The following SCHIP1 variants were observed in gnomAD, a reference collection of about 807,000 sequenced individuals.
SCHIP1 encodes the protein schwannomin interacting protein 1, also known as schwannomin-interacting protein 1.
SCHIP1 carries 8 observed loss-of-function variants against 29.7 expected under a neutral mutation model. That is an observed-to-expected ratio of 0.27 (90% CI 0.16 to 0.49). The LOEUF (loss-of-function observed/expected upper bound fraction) is 0.49. Among genes scored for constraint, SCHIP1 ranks in the 20% least tolerant of loss-of-function variants. SCHIP1 has a pLI of 0.99. For missense variants in SCHIP1, 193 were observed against 294.6 expected (o/e 0.66, Z 2.52); for synonymous variants, 76 against 94.9 (o/e 0.80, Z 1.16).
chr3:159,680,669 A>C, the SCHIP1 span, among the ~76,000 whole-genome samples: 14 of 11,814 alleles, frequency 1.2e-3, 2 homozygotes, highest in Non-Finnish European at 2.6e-3. Context: ...TAAAATATAT[A>C]TTATATATAT....
the SCHIP1 span, among the ~76,000 whole-genome samples, chr3:159,674,128 G>A: frequency 6.6e-6 from 1 of 152,150 alleles, no homozygotes. Context: ...ACCAGGTAAT[G>A]GGCACGCTCC....
the SCHIP1 span, among the ~76,000 whole-genome samples, chr3:159,481,004 G>C: frequency 2.6e-5 from 4 of 152,258 alleles, no homozygotes; most frequent in East Asian, 7.7e-4. Flanking sequence ...GGGGTCACAA[G>C]GTGCTCAGTC....
At chr3:159,400,752 T>C in the SCHIP1 span, among the ~76,000 whole-genome samples, 1 of 152,186 alleles carries the variant, frequency 6.6e-6, no homozygotes, top group East Asian at 1.9e-4. Context: ...TGTGGCTTTA[T>C]TCTCCACTTC....
At chr3:159,701,693 T>A in the SCHIP1 span, among the ~76,000 whole-genome samples, 3 of 152,188 alleles carry the variant, frequency 2.0e-5, no homozygotes, top group African/African-American at 7.2e-5. Context: ...ATTTTCCTTG[T>A]AATTTGTCTT....
chr3:159,725,418 G>A, the SCHIP1 span, among the ~76,000 whole-genome samples: 2 of 151,960 alleles, frequency 1.3e-5, no homozygotes, highest in Admixed American at 1.3e-4. Flanking sequence ...ACAGGCACAT[G>A]CCACTGCACC....
At chr3:159,581,961 A>T in the SCHIP1 span, among the ~76,000 whole-genome samples, 1 of 152,166 alleles carries the variant, frequency 6.6e-6, no homozygotes, top group Admixed American at 6.5e-5. Context: ...TTTTCCCTAT[A>T]CGAAATCTTC....
chr3:159,492,544 T>A, the SCHIP1 span, among the ~76,000 whole-genome samples: 5 of 151,706 alleles, frequency 3.3e-5, no homozygotes, highest in South Asian at 1.0e-3. Context: ...GAAGGGAAGT[T>A]TAGAGAAAAA....
the SCHIP1 span, among the ~76,000 whole-genome samples, chr3:159,276,335 G>A: frequency 6.6e-6 from 1 of 152,130 alleles, no homozygotes; most frequent in Admixed American, 6.5e-5. Context: ...GATCCTTGGG[G>A]TTATTTCAGT....
At chr3:159,404,347 C>T in the SCHIP1 span, among the ~76,000 whole-genome samples, 2 of 152,110 alleles carry the variant, frequency 1.3e-5, no homozygotes, top group African/African-American at 4.8e-5. Flanking sequence ...TGTCTGATTT[C>T]AGGTCGTTGC....
the SCHIP1 span, among the ~76,000 whole-genome samples, chr3:159,580,642 T>C: frequency 6.6e-6 from 1 of 152,214 alleles, no homozygotes; most frequent in Non-Finnish European, 1.5e-5. Flanking sequence ...CCTGCTTTCA[T>C]GAAAATTCAG....
chr3:159,682,351 A>C, the SCHIP1 span, among the ~76,000 whole-genome samples: 2 of 152,152 alleles, frequency 1.3e-5, no homozygotes, highest in Non-Finnish European at 2.9e-5. Flanking sequence ...TTGAGCATAA[A>C]ATGACTCGAG....
At chr3:159,733,581 C>A in the SCHIP1 span, among the ~76,000 whole-genome samples, 1 of 152,166 alleles carries the variant, frequency 6.6e-6, no homozygotes, top group Non-Finnish European at 1.5e-5. Flanking sequence ...GGTTTCTCTA[C>A]AGTTGTGTGG....
chr3:159,476,927 T>G, the SCHIP1 span, among the ~76,000 whole-genome samples: 1 of 152,146 alleles, frequency 6.6e-6, no homozygotes, highest in Admixed American at 6.6e-5. Flanking sequence ...TTGTAACTTT[T>G]GCCCAACAAT....
chr3:159,800,966 GT>G, the SCHIP1 span, among the ~76,000 whole-genome samples: 71,258 of 144,960 alleles, frequency 0.49, 18,087 homozygotes, highest in African/African-American at 0.65. Context: ...AACTAAGTCT[GT>G]TTTTTTTTTT....
At chr3:159,866,530 T>A (rs879488732) in intron 2 of SCHIP1, among the ~76,000 whole-genome samples, 5 of 152,114 alleles carry the variant, frequency 3.3e-5, no homozygotes, top group African/African-American at 4.8e-5. Context: ...ATTTTTTTTC[T>A]AGCCACAATA....
chr3:159,398,956 T>A, the SCHIP1 span: 21 of 983,998 alleles, frequency 2.1e-5, no homozygotes, highest in South Asian at 6.6e-4. Flanking sequence ...CAAACAAGTG[T>A]GGGCAATTTG....
At chr3:159,763,665 C>A in the SCHIP1 span, 1 of 152,274 alleles carries the variant, frequency 6.6e-6, no homozygotes, top group African/African-American at 2.4e-5. Flanking sequence ...CCGGCTCCAC[C>A]GCCAGGAGGG....
chr3:159,700,272 A>C, the SCHIP1 span, among the ~76,000 whole-genome samples: 1 of 152,230 alleles, frequency 6.6e-6, no homozygotes, highest in East Asian at 1.9e-4. Context: ...ACTCAGGCAA[A>C]TCCTACATTC....
the SCHIP1 span, among the ~76,000 whole-genome samples, chr3:159,472,102 G>A: frequency 0.017 from 2,541 of 152,160 alleles, 77 homozygotes; most frequent in African/African-American, 0.058. Context: ...TCTTGTACTG[G>A]ATAGAATAGT....
Sources: gnomAD v4.1 joint callset for allele counts (sites outside exome capture counted in the v4.1 genomes callset) on GRCh38, gnomAD v4.1.1 for gene constraint, MANE v1.5 for transcripts, NCBI Gene and HGNC (gene_info 2026-07-23, HGNC 2026-07-21) for gene names.